Variants in NUS1 observed in about 807,000 individuals in gnomAD.
NUS1 encodes dehydrodolichyl diphosphate synthase complex subunit NUS1.
For synonymous variants in NUS1, 135 were observed against 155.2 expected, an observed-to-expected ratio of 0.87 and a Z score of 0.97; for missense variants, 292 against 382.9, an observed-to-expected ratio of 0.76 and a Z score of 1.98.
intron 2 of NUS1, 53 bp from the exon 3 acceptor site, chr6:117,693,978 A>T: frequency 6.4e-7 from 1 of 1,557,438 alleles, no homozygotes; most frequent in Admixed American, 2.0e-5. Context: ...CTGCTTTTGA[A>T]ATATACCTGG....
rs995207809 is a variant in NUS1, at chr6:117,675,527, G to C, written c.-144G>C. 1 of 762,870 alleles carries C rather than the reference G, an allele frequency of 1.3e-6. No individual in the cohort carries two copies. The highest frequency in any genetic ancestry group is 2.7e-5 in the East Asian group (1 of 36,488). The allele number at this position is 762,870 out of a possible 1,614,324, so 47.3% of individuals were successfully genotyped here. A position where few individuals can be genotyped will look rare whatever the true frequency, so the allele number is the denominator to read the frequency against. ...GAAGATGGCGGCGGGGGCGAGGTGA[G>C]GTGTTGGCAGTGGAAAGGGGTTCGG... is the stretch of plus-strand genomic sequence containing the variant. On this transcript the variant is annotated 5_prime_UTR_variant, in exon 1 of 5. Coordinates refer to ENST00000368494, the MANE Select transcript of NUS1 (RefSeq NM_138459.5).
rs1429372066 is a variant in NUS1 at position 117,710,557 on chromosome 6, G to A, written c.*3542G>A. 2 of 151,914 alleles carry A rather than the reference G, an allele frequency of 1.3e-5. No homozygotes were observed. Among genetic ancestry groups the A allele is most frequent in the Non-Finnish European group, 2.9e-5 (2 of 67,944 alleles). The allele number at this position is 151,914 out of a possible 1,614,324, so 9.4% of individuals were successfully genotyped here. ...TGATTACATTTTTGGTGATCACCGAGAATTTTTTGTACTATATTTTAAAAA... is the reference window on the plus strand; with the variant it reads ...TGATTACATTTTTGGTGATCACCGAAAATTTTTTGTACTATATTTTAAAAA... On this transcript the variant is annotated 3_prime_UTR_variant, in exon 5 of 5. Transcript: ENST00000368494.
intron 3 of NUS1, among the ~76,000 whole-genome samples, chr6:117,699,615 T>A (rs1582474815): frequency 1.3e-5 from 2 of 152,128 alleles, no homozygotes; most frequent in African/African-American, 4.8e-5. Flanking sequence ...TCTATCAAAA[T>A]ATCAGTGACA....
At chr6:117,682,425 C>A (rs563833275) in intron 1 of NUS1, among the ~76,000 whole-genome samples, 1 of 152,126 alleles carries the variant, frequency 6.6e-6, no homozygotes, top group Admixed American at 6.5e-5. Context: ...TATAGTGAGA[C>A]CCGCATCTCT....
rs1369824059 is a variant in NUS1 at position 117,709,175 on chromosome 6, C to A, written c.*2160C>A. On this transcript the variant is annotated 3_prime_UTR_variant, in exon 5 of 5. Transcript: ENST00000368494. ...GAATGGCATTGGTTGTTCTGTAATT[C>A]CTGCCAAAAGCATCACAAGTTGTAC... The A allele has an allele frequency of 6.6e-6, 1 of 152,316 alleles. No individual in the cohort carries two copies. Among genetic ancestry groups the A allele is most frequent in the Admixed American group, 6.5e-5 (1 of 15,276 alleles). The allele number at this position is 152,316 out of a possible 1,614,324, so 9.4% of individuals were successfully genotyped here.
chr6:117,706,181 C>A (rs1773498016), intron 4 of NUS1, among the ~76,000 whole-genome samples: 1 of 152,186 alleles, frequency 6.6e-6, no homozygotes, highest in Non-Finnish European at 1.5e-5. Context: ...AGGGAACCCT[C>A]TGATTGTGTA....
At chr6:117,704,741 A>G (rs1773477285) in intron 4 of NUS1, among the ~76,000 whole-genome samples, 1 of 152,166 alleles carries the variant, frequency 6.6e-6, no homozygotes, top group African/African-American at 2.4e-5. Flanking sequence ...AAAATTAGAG[A>G]TGAAATGACT....
At chr6:117,697,574 A>G (rs983979542) in intron 3 of NUS1, among the ~76,000 whole-genome samples, 1 of 152,138 alleles carries the variant, frequency 6.6e-6, no homozygotes, top group Non-Finnish European at 1.5e-5. Context: ...TCCACTATCT[A>G]GTGATAAAGG....
intron 3 of NUS1, among the ~76,000 whole-genome samples, chr6:117,702,182 A>G (rs532401160): frequency 7.9e-5 from 12 of 152,266 alleles, no homozygotes; most frequent in Middle Eastern, 6.8e-3. Flanking sequence ...TGGGGCTACA[A>G]CCTCAGGCAA....
intron 3 of NUS1, among the ~76,000 whole-genome samples, chr6:117,694,854 ACATT>A (rs1773293311): frequency 6.6e-6 from 1 of 152,202 alleles, no homozygotes; most frequent in South Asian, 2.1e-4. Context: ...ACAGTTTTAG[ACATT>A]CATTCATTTT....
chr6:117,687,676 CTA>C (rs1165779871), intron 1 of NUS1, among the ~76,000 whole-genome samples: 1 of 152,098 alleles, frequency 6.6e-6, no homozygotes, highest in Non-Finnish European at 1.5e-5. Context: ...ATAGGCAATT[CTA>C]ATTTGTGGGG....
At chr6:117,677,453 AG>A (rs777798065) in intron 1 of NUS1, among the ~76,000 whole-genome samples, 25 of 152,206 alleles carry the variant, frequency 1.6e-4, no homozygotes, top group Non-Finnish European at 3.2e-4. Context: ...ATTTCTTTAA[AG>A]ATGTGAGAAG....
At chr6:117,680,519 C>G (rs1773045567) in intron 1 of NUS1, among the ~76,000 whole-genome samples, 1 of 152,160 alleles carries the variant, frequency 6.6e-6, no homozygotes, top group Admixed American at 6.5e-5. Flanking sequence ...TGTGGACCAT[C>G]TGTGAATTAG....
chr6:117,679,657 G>C (rs1562174370), intron 1 of NUS1, among the ~76,000 whole-genome samples: 1 of 152,152 alleles, frequency 6.6e-6, no homozygotes, highest in Non-Finnish European at 1.5e-5. Flanking sequence ...GGGCAGGTTG[G>C]TCATCTGGCT....
chr6:117,705,000 A>G (rs1053379590), intron 4 of NUS1, among the ~76,000 whole-genome samples: 9 of 152,140 alleles, frequency 5.9e-5, no homozygotes, highest in Non-Finnish European at 1.2e-4. Context: ...GAGAATATAG[A>G]GTATCTCTCC....
chr6:117,679,065 G>A (rs941867563), intron 1 of NUS1, among the ~76,000 whole-genome samples: 2 of 152,142 alleles, frequency 1.3e-5, no homozygotes, highest in Non-Finnish European at 2.9e-5. Context: ...TGACATACTC[G>A]TAAATGCCAC....
chr6:117,689,911 A>G (rs1582469184), intron 1 of NUS1, among the ~76,000 whole-genome samples: 1 of 152,200 alleles, frequency 6.6e-6, no homozygotes, highest in Admixed American at 6.5e-5. Context: ...GACTTCCACA[A>G]TTTATACATA....
intron 1 of NUS1, among the ~76,000 whole-genome samples, chr6:117,690,223 C>T (rs1485486938): frequency 6.6e-6 from 1 of 152,120 alleles, no homozygotes; most frequent in Non-Finnish European, 1.5e-5. Flanking sequence ...ATGGCTGTTT[C>T]AAAATGTTCA....
Position 117,710,231 on chromosome 6 carries a change from T to A in NUS1, c.*3216T>A, listed in dbSNP as rs1773556216. 1 of 149,916 alleles carries A rather than the reference T, an allele frequency of 6.7e-6. No individual in the cohort carries two copies. The highest frequency in any genetic ancestry group is 1.5e-5 in the Non-Finnish European group (1 of 67,844). 9.3% of individuals were successfully genotyped at this position (149,916 alleles called of 1,614,324 possible). A position where few individuals can be genotyped will look rare whatever the true frequency, so the allele number is the denominator to read the frequency against. On this transcript the variant is annotated 3_prime_UTR_variant, in exon 5 of 5. Transcript: ENST00000368494. ...TTCACCTCCTAACTTGAAGGTCTAA[T>A]CATAAGACAATTGTTTTTTTGTGCA...
Sources: gnomAD v4.1 joint callset for allele counts (sites outside exome capture counted in the v4.1 genomes callset) on GRCh38, gnomAD v4.1.1 for gene constraint, MANE v1.5 for transcripts, NCBI Gene and HGNC (gene_info 2026-07-23, HGNC 2026-07-21) for gene names.